Variants in NFIX observed in about 807,000 individuals in gnomAD.
The protein encoded by NFIX is nuclear factor 1 X-type.
Under a neutral mutation model 53.3 loss-of-function variants are expected in NFIX, and 2 were observed. The observed-to-expected ratio is 0.04, with a 90% CI of 0.02 to 0.12. The LOEUF is 0.12. Among genes scored for constraint, NFIX ranks in the 10% least tolerant of loss-of-function variants. The probability of loss-of-function intolerance (pLI) is 1.00; values close to 1 mark genes in which losing one functional copy is unlikely to be tolerated. For missense variants in NFIX, 310 were observed against 674.5 expected (o/e 0.46, Z 5.99); for synonymous variants, 244 against 289.0 (o/e 0.84, Z 1.58).
intron 1 of NFIX, chr19:13,024,113 CAAA>C (rs113861190): frequency 2.8e-3 from 1,128 of 409,646 alleles, no homozygotes; most frequent in Admixed American, 3.2e-3. Flanking sequence ...AGCAAACAAC[CAAA>C]AAAAAAAAAA....
intron 6 of NFIX, among the ~76,000 whole-genome samples, chr19:13,077,234 T>A (rs1483425928): frequency 6.6e-6 from 1 of 152,156 alleles, no homozygotes; most frequent in African/African-American, 2.4e-5. Flanking sequence ...TCTTCCTGGC[T>A]CCTGCTCTCT....
At chr19:13,029,429 T>C (rs980521648) in intron 2 of NFIX, among the ~76,000 whole-genome samples, 2 of 152,134 alleles carry the variant, frequency 1.3e-5, no homozygotes, top group African/African-American at 4.8e-5. Flanking sequence ...CCAGATGGGG[T>C]CAGTCCTGCA....
intron 8 of NFIX, among the ~76,000 whole-genome samples, chr19:13,082,873 C>A (rs577102484): frequency 6.6e-6 from 1 of 152,326 alleles, no homozygotes; most frequent in African/African-American, 2.4e-5. Flanking sequence ...ATCCCGGAAG[C>A]CCACACCAGA....
intron 2 of NFIX, among the ~76,000 whole-genome samples, chr19:13,055,833 G>A (rs1339078603): frequency 1.3e-5 from 2 of 152,210 alleles, no homozygotes; most frequent in Admixed American, 1.3e-4. Context: ...TGGCTTCTGG[G>A]TGTGGGAGCC....
At chr19:13,010,295 G>A (rs995895181) in intron 1 of NFIX, among the ~76,000 whole-genome samples, 2 of 152,226 alleles carry the variant, frequency 1.3e-5, no homozygotes, top group Non-Finnish European at 2.9e-5. Flanking sequence ...CTCCCAAGGC[G>A]TGCGCAAGCA....
At chr19:13,063,229 C>G (rs546396394) in intron 2 of NFIX, among the ~76,000 whole-genome samples, 1 of 152,342 alleles carries the variant, frequency 6.6e-6, no homozygotes, top group South Asian at 2.1e-4. Flanking sequence ...TCTATAGGGT[C>G]TCACTTCTTC....
intron 1 of NFIX, among the ~76,000 whole-genome samples, chr19:13,000,119 G>A (rs999145195): frequency 1.3e-5 from 2 of 152,222 alleles, no homozygotes; most frequent in Admixed American, 6.5e-5. Flanking sequence ...CGGAGTCAAG[G>A]GCTAGGCTTT....
intron 2 of NFIX, among the ~76,000 whole-genome samples, chr19:13,046,457 C>T (rs920796339): frequency 5.9e-5 from 9 of 151,956 alleles, no homozygotes; most frequent in South Asian, 2.1e-4. Flanking sequence ...AGTGGAATCG[C>T]GTTGCCTTCC....
intron 2 of NFIX, among the ~76,000 whole-genome samples, chr19:13,058,267 T>C (rs769178413): frequency 4.6e-5 from 7 of 152,072 alleles, no homozygotes; most frequent in Non-Finnish European, 1.0e-4. Context: ...CCCTCACCTC[T>C]CCTGTAGGCC....
In NFIX at chr19:13,073,822, C is replaced by T; in HGVS notation, c.698-84C>T. 6.3e-7 allele frequency: 1 copy of T among 1,578,644 alleles called. No homozygotes were observed. Among genetic ancestry groups the T allele is most frequent in the Non-Finnish European group, 8.7e-7 (1 of 1,154,812 alleles). On this transcript the variant is annotated intron_variant, in intron 4 of 10. Coordinates refer to ENST00000592199, the MANE Select transcript of NFIX (RefSeq NM_001365902.3). The surrounding 1 kb of genome is among the most constrained non-coding windows in gnomAD (Gnocchi z 4.5). ...CCCACAGTAAACTCACCCTGGGCTT[C>T]TGGGAAGCTGTTCATGACAAAGAAA... is the stretch of plus-strand genomic sequence containing the variant.
chr19:13,004,310 G>A (rs1196568672), intron 1 of NFIX, among the ~76,000 whole-genome samples: 1 of 151,936 alleles, frequency 6.6e-6, no homozygotes, highest in East Asian at 1.9e-4. Context: ...CACATACACA[G>A]TCACACCCAA....
chr19:13,077,995 C>G (rs2145454931), intron 6 of NFIX, among the ~76,000 whole-genome samples: 1 of 152,322 alleles, frequency 6.6e-6, no homozygotes, highest in African/African-American at 2.4e-5. Flanking sequence ...CTTCTCCCCT[C>G]TGGCTCTGCC....
rs1568269703 is a variant in NFIX at position 13,025,622 on chromosome 19, C to T, written c.559+70C>T. ...GCTGGCATTTGTTCTGTTTATTGTTCCTCTAATTTCCAAGCGATAACTCGC... is the reference window on the plus strand; with the variant it reads ...GCTGGCATTTGTTCTGTTTATTGTTTCTCTAATTTCCAAGCGATAACTCGC... On this transcript the variant is annotated intron_variant, in intron 2 of 10. Transcript: ENST00000592199. This position sits in a 1 kb window ranked among gnomAD's most constrained non-coding sequence, Gnocchi z 7.5. 6 of 1,533,660 alleles carry T rather than the reference C, an allele frequency of 3.9e-6. No homozygotes were observed. Among genetic ancestry groups the T allele is most frequent in the African/African-American group, 2.7e-5 (2 of 73,390 alleles).
At chr19:13,010,275 C>T (rs1278740938) in intron 1 of NFIX, among the ~76,000 whole-genome samples, 2 of 152,224 alleles carry the variant, frequency 1.3e-5, no homozygotes, top group Non-Finnish European at 2.9e-5. Context: ...GGCCCTCGCG[C>T]ACGTGGTTAC....
chr19:13,074,628 AGAGG>A (rs1161696528), intron 5 of NFIX, among the ~76,000 whole-genome samples: 1 of 147,194 alleles, frequency 6.8e-6, no homozygotes, highest in East Asian at 2.1e-4. Context: ...GGGTGGATGG[AGAGG>A]GAGGGAGCTG....
At chr19:13,064,716 G>A (rs1316528215) in intron 2 of NFIX, among the ~76,000 whole-genome samples, 3 of 152,216 alleles carry the variant, frequency 2.0e-5, no homozygotes, top group Non-Finnish European at 4.4e-5. Flanking sequence ...ACTCAAGAGC[G>A]TGAGCTCCTG....
chr19:13,087,194 A>C (rs2017831111), intron 8 of NFIX, among the ~76,000 whole-genome samples: 1 of 152,196 alleles, frequency 6.6e-6, no homozygotes, highest in Non-Finnish European at 1.5e-5. Context: ...CAGAAGGCCA[A>C]CCCACGCAAG....
intron 8 of NFIX, among the ~76,000 whole-genome samples, chr19:13,084,792 G>A (rs1568328347): frequency 6.6e-6 from 1 of 152,092 alleles, no homozygotes; most frequent in Non-Finnish European, 1.5e-5. Flanking sequence ...GGAGCTGGTC[G>A]GGCGCGGTGG....
Position 13,027,483 on chromosome 19 carries a change from C to G in NFIX, c.559+1931C>G, listed in dbSNP as rs1292131259. Among the ~76,000 whole-genome samples the G allele has an allele frequency of 6.6e-6, 1 of 152,134 alleles. No homozygotes were observed. Among genetic ancestry groups the G allele is most frequent in the Non-Finnish European group, 1.5e-5 (1 of 68,036 alleles). On this transcript the variant is annotated intron_variant, in intron 2 of 10. Transcript: ENST00000592199. This position sits in a 1 kb window ranked among gnomAD's most constrained non-coding sequence, Gnocchi z 4.3. ...TTACCAGTGTGGCCATCAGATACTC[C>G]TGCACAAGGGGATTCTGCACCTTCC...
Sources: allele counts gnomAD v4.1 joint callset (sites outside exome capture counted in the v4.1 genomes callset), GRCh38; gene constraint gnomAD v4.1.1; non-coding constraint Gnocchi (gnomAD v3.1); transcripts MANE v1.5; gene names NCBI Gene and HGNC (gene_info 2026-07-23, HGNC 2026-07-21).